DAB2IP: variants seen among roughly 807,000 people sequenced by gnomAD.
DAB2IP encodes the protein disabled homolog 2-interacting protein.
A neutral mutation model predicts 107.2 loss-of-function variants in DAB2IP; 28 were observed. That is an observed-to-expected ratio of 0.26 (90% CI 0.19 to 0.36). The LOEUF (loss-of-function observed/expected upper bound fraction) is 0.36. Among genes scored for constraint, DAB2IP ranks in the 10% least tolerant of loss-of-function variants. DAB2IP has a pLI of 1.00. For synonymous variants in DAB2IP, 755 were observed against 706.4 expected, an observed-to-expected ratio of 1.07 and a Z score of -1.09; for missense variants, 1,400 against 1,644.7, an observed-to-expected ratio of 0.85 and a Z score of 2.57.
chr9:121,768,030 G>A (rs1564217320), intron 9 of DAB2IP, among the ~76,000 whole-genome samples: 1 of 152,094 alleles, frequency 6.6e-6, no homozygotes, highest in African/African-American at 2.4e-5. Context: ...AGGTGTGGCA[G>A]GCTGAGTAGG....
At chr9:121,596,285 C>T (rs960636784) in intron 1 of DAB2IP, among the ~76,000 whole-genome samples, 12 of 152,062 alleles carry the variant, frequency 7.9e-5, no homozygotes, top group South Asian at 2.1e-4. Flanking sequence ...GAACTGAGAT[C>T]GTGCCATTGC....
chr9:121,631,223 A>C (rs930994242), intron 1 of DAB2IP, among the ~76,000 whole-genome samples: 12 of 152,250 alleles, frequency 7.9e-5, no homozygotes, highest in Admixed American at 5.9e-4. Context: ...GCACACAGAC[A>C]GCTGAACAGC....
intron 3 of DAB2IP, among the ~76,000 whole-genome samples, chr9:121,742,302 G>A (rs1033041952): frequency 5.9e-5 from 9 of 152,226 alleles, no homozygotes; most frequent in African/African-American, 2.2e-4. Flanking sequence ...GGTGGCCCAT[G>A]CCTGTAATCC....
intron 1 of DAB2IP, among the ~76,000 whole-genome samples, chr9:121,616,480 G>C (rs547654032): frequency 6.6e-6 from 1 of 152,312 alleles, no homozygotes; most frequent in South Asian, 2.1e-4. Flanking sequence ...TACCCACATA[G>C]GCGTTTTTAA....
At chr9:121,664,050 T>G (rs1833315432) in intron 1 of DAB2IP, among the ~76,000 whole-genome samples, 1 of 152,254 alleles carries the variant, frequency 6.6e-6, no homozygotes, top group African/African-American at 2.4e-5. Flanking sequence ...AGTCATTATC[T>G]CTCTTAGATC....
chr9:121,766,254 A>G (rs1030214997), intron 8 of DAB2IP, among the ~76,000 whole-genome samples: 1 of 151,928 alleles, frequency 6.6e-6, no homozygotes, highest in African/African-American at 2.4e-5. Flanking sequence ...TTCACTGAGA[A>G]CCCACTGCCC....
exon 16 of DAB2IP, chr9:121,783,345 G>A: frequency 1.4e-6 from 2 of 1,461,614 alleles, no homozygotes; most frequent in South Asian, 1.4e-5. Flanking sequence ...TGGCCAGATG[G>A]CTCTGAGCAC....
At chr9:121,696,015 CG>C (rs1228608171) in intron 2 of DAB2IP, among the ~76,000 whole-genome samples, 1 of 151,926 alleles carries the variant, frequency 6.6e-6, no homozygotes, top group Non-Finnish European at 1.5e-5. Flanking sequence ...ATTACAGGCT[CG>C]TGCCACCACG....
chr9:121,692,530 C>A lies in DAB2IP; in HGVS notation c.229-6795C>A, dbSNP rs1182462247. On this transcript the variant is annotated intron_variant, in intron 2 of 15. Transcript: ENST00000408936. ...ACCCTAGAGTGTCAGGGTCCAGCCT[C>A]TTCCTGGGGCTTCCCTGAAGGCTCT... Among the ~76,000 whole-genome samples, 7 of 152,316 alleles carry A rather than the reference C, an allele frequency of 4.6e-5. No individual in the cohort carries two copies. In the East Asian group the frequency reaches 1.3e-3, roughly 29 times the overall value.
At position 121,699,880 on chromosome 9, in the gene DAB2IP, G is replaced by T. The variant is rs1008034242; in HGVS notation, c.362+422G>T. Among the ~76,000 whole-genome samples the T allele has an allele frequency of 6.6e-6, 1 of 152,230 alleles. No homozygotes were observed. Among genetic ancestry groups the T allele is most frequent in the South Asian group, 2.1e-4 (1 of 4,836 alleles). ...GGTATCAGATACAAAAGGCATTTTC[G>T]GCCGGGTTTGGCCGAGACCGGGCGC... On this transcript the variant is annotated intron_variant, in intron 3 of 15. Coordinates refer to ENST00000408936, the Ensembl canonical transcript of DAB2IP. The surrounding 1 kb of genome is among the most constrained non-coding windows in gnomAD (Gnocchi z 6.2).
At chr9:121,734,855 A>G (rs1831780641) in intron 3 of DAB2IP, among the ~76,000 whole-genome samples, 1 of 152,218 alleles carries the variant, frequency 6.6e-6, no homozygotes, top group Non-Finnish European at 1.5e-5. Flanking sequence ...TTCATCTATA[A>G]AGTGGTCACA....
chr9:121,666,485 AGT>A (rs1457144912), intron 1 of DAB2IP, among the ~76,000 whole-genome samples: 1 of 152,186 alleles, frequency 6.6e-6, no homozygotes, highest in Non-Finnish European at 1.5e-5. Context: ...AGCTAGAAAA[AGT>A]GTGCAGTGGT....
At chr9:121,600,133 C>A (rs1332663026) in intron 1 of DAB2IP, among the ~76,000 whole-genome samples, 1 of 152,080 alleles carries the variant, frequency 6.6e-6, no homozygotes, top group Non-Finnish European at 1.5e-5. Context: ...GCCAGCCTAC[C>A]GATCCCCAAG....
chr9:121,639,772 G>C (rs968257147), intron 1 of DAB2IP, among the ~76,000 whole-genome samples: 3 of 152,166 alleles, frequency 2.0e-5, no homozygotes, highest in Non-Finnish European at 2.9e-5. Context: ...GTCTTTATTG[G>C]GGGCTGTGGT....
chr9:121,640,368 G>A (rs937620344), intron 1 of DAB2IP, among the ~76,000 whole-genome samples: 2 of 152,150 alleles, frequency 1.3e-5, no homozygotes, highest in Admixed American at 1.3e-4. Flanking sequence ...TCAGGGGGGC[G>A]ACAATGAGAG....
rs1370455309 is a variant in DAB2IP, at chr9:121,577,981, TC to T, written c.40+10755del. ...GGGGGTAGAGGTGGAGATCTCTCCC[TC>T]CTGGGAAGGCCTGTGCTTGACTGAG... On this transcript the variant is annotated intron_variant, in intron 1 of 16. Coordinates refer to the DAB2IP transcript ENST00000259371. Among the ~76,000 whole-genome samples the T allele has an allele frequency of 9.9e-5, 15 of 151,492 alleles. 1 individual carries two copies. In the East Asian group the frequency reaches 2.9e-3, roughly 30 times the overall value.
chr9:121,718,597 T>C (rs1008974501), intron 3 of DAB2IP, among the ~76,000 whole-genome samples: 1 of 152,226 alleles, frequency 6.6e-6, no homozygotes, highest in East Asian at 1.9e-4. Flanking sequence ...ATTCCAGCTC[T>C]GCCGCTTGTC....
chr9:121,630,294 G>A (rs1831826192), intron 1 of DAB2IP, among the ~76,000 whole-genome samples: 1 of 152,124 alleles, frequency 6.6e-6, no homozygotes, highest in South Asian at 2.1e-4. Context: ...GGGAGGTGGA[G>A]GCAGGCAGAT....
upstream of DAB2IP, among the ~76,000 whole-genome samples, chr9:121,646,834 G>A (rs1396099257): frequency 2.0e-5 from 3 of 152,134 alleles, no homozygotes; most frequent in South Asian, 2.1e-4. Flanking sequence ...CCTTATGATC[G>A]TTGCTCCTTT....
Sources: gnomAD v4.1 joint callset for allele counts (sites outside exome capture counted in the v4.1 genomes callset) on GRCh38, gnomAD v4.1.1 for gene constraint, Gnocchi (gnomAD v3.1) non-coding constraint, MANE v1.5 for transcripts, NCBI Gene and HGNC (gene_info 2026-07-23, HGNC 2026-07-21) for gene names.